INPP5A: variants seen among roughly 807,000 people sequenced by gnomAD.
The protein encoded by INPP5A is 43 kDa inositol polyphosphate 5-phophatase.
A neutral mutation model predicts 65.2 loss-of-function variants in INPP5A; 14 were observed. The observed-to-expected ratio is 0.21, with a 90% confidence interval of 0.14 to 0.34. INPP5A has a LOEUF of 0.34. Among genes scored for constraint, INPP5A ranks in the 10% least tolerant of loss-of-function variants. The pLI is 1.00. For missense variants in INPP5A, 431 were observed against 545.6 expected (o/e 0.79, Z 2.09); for synonymous variants, 207 against 208.3 (o/e 0.99, Z 0.05).
chr10:132,548,365 C>T (rs2071005974), intron 1 of INPP5A, among the ~76,000 whole-genome samples: 1 of 152,142 alleles, frequency 6.6e-6, no homozygotes, highest in Non-Finnish European at 1.5e-5. Context: ...CACCAAAGGC[C>T]AGGCCAGGCC....
chr10:132,755,615 GGT>G (rs55717463), intron 11 of INPP5A, among the ~76,000 whole-genome samples: 4,827 of 143,786 alleles, frequency 0.034, 100 homozygotes, highest in South Asian at 0.11. Context: ...TGAGTGAGTG[GGT>G]GTGTGTGTGT....
intron 1 of INPP5A, among the ~76,000 whole-genome samples, chr10:132,558,773 G>C (rs1346385945): frequency 6.6e-6 from 1 of 152,234 alleles, no homozygotes; most frequent in Non-Finnish European, 1.5e-5. Flanking sequence ...AAACTCCTCA[G>C]GGTCAGCGTG....
intron 9 of INPP5A, among the ~76,000 whole-genome samples, chr10:132,728,506 C>T (rs1846025652): frequency 6.6e-6 from 1 of 152,238 alleles, no homozygotes; most frequent in African/African-American, 2.4e-5. Flanking sequence ...CCACCCCCGC[C>T]AAGCCACAGG....
At chr10:132,776,954 T>G (rs1847075082) in intron 12 of INPP5A, among the ~76,000 whole-genome samples, 1 of 152,120 alleles carries the variant, frequency 6.6e-6, no homozygotes, top group South Asian at 2.1e-4. Context: ...GGAGCCCAGA[T>G]GAGCTGTGCC....
intron 8 of INPP5A, among the ~76,000 whole-genome samples, chr10:132,726,580 T>A (rs1484385485): frequency 6.6e-6 from 1 of 152,180 alleles, no homozygotes; most frequent in Non-Finnish European, 1.5e-5. Flanking sequence ...TCTTCCTCCA[T>A]GTCGCTGGCA....
At position 132,745,651 on chromosome 10, in the gene INPP5A, G is replaced by A. The variant is rs1031189103; in HGVS notation, c.733-3866G>A. ...GGTGGGCCTCGGGCGTGGTGGCCTC[G>A]GGTGTGGTGGCCCTGGGCATGGTGG... On this transcript the variant is annotated intron_variant, in intron 9 of 15. Transcript: ENST00000368594. 5.4e-5 allele frequency among the ~76,000 whole-genome samples: 8 copies of A among 148,458 alleles called. No individual in the cohort carries two copies. The East Asian group carries it at 6.0e-4, about 11-fold the overall frequency.
rs1564925562 is a variant in INPP5A at position 132,587,682 on chromosome 10, C to T, written c.76-20233C>T. Reference sequence around the variant, plus strand: ...GTAGATAATTGCGTTTTGTGTATGCCATGATTTCAAAGTTATACTTGTGTT... The same window carrying T: ...GTAGATAATTGCGTTTTGTGTATGCTATGATTTCAAAGTTATACTTGTGTT... On this transcript the variant is annotated intron_variant, in intron 1 of 15. Transcript: ENST00000368594. This position sits in a 1 kb window ranked among gnomAD's most constrained non-coding sequence, Gnocchi z 4.3. 2.0e-5 allele frequency among the ~76,000 whole-genome samples: 3 copies of T among 152,164 alleles called. No homozygotes were observed. Among genetic ancestry groups the T allele is most frequent in the Admixed American group, 1.3e-4 (2 of 15,276 alleles).
intron 12 of INPP5A, among the ~76,000 whole-genome samples, chr10:132,769,808 C>CA (rs1048854466): frequency 6.6e-6 from 1 of 151,578 alleles, no homozygotes; most frequent in African/African-American, 2.4e-5. Context: ...GCTCCCCCCC[C>CA]CCAAGTTCCT....
At chr10:132,605,475 G>T (rs1446439972) in intron 1 of INPP5A, among the ~76,000 whole-genome samples, 1 of 147,744 alleles carries the variant, frequency 6.8e-6, no homozygotes, top group African/African-American at 2.5e-5. Context: ...TCCCTTGGAG[G>T]GATGGGGAAG....
In INPP5A at chr10:132,555,564, G is replaced by A. The variant is rs1289084928; in HGVS notation, c.75+17393G>A. On this transcript the variant is annotated intron_variant, in intron 1 of 15. Transcript: ENST00000368594. This position sits in a 1 kb window ranked among gnomAD's most constrained non-coding sequence, Gnocchi z 4.4. ...CCAGGAGCCTCTGGACAGTGGGGCC[G>A]TCCTGACTCGCCTCCTGAGAGCCGT... 6.6e-6 allele frequency among the ~76,000 whole-genome samples: 1 copy of A among 152,144 alleles called. No individual in the cohort carries two copies. Among genetic ancestry groups the A allele is most frequent in the Non-Finnish European group, 1.5e-5 (1 of 68,020 alleles).
chr10:132,703,706 A>ACCC (rs200245311), intron 6 of INPP5A, among the ~76,000 whole-genome samples: 19 of 36,098 alleles, frequency 5.3e-4, no homozygotes, highest in South Asian at 1.4e-3. Flanking sequence ...ATGCGGCTTC[A>ACCC]CCCCCCCCAC....
intron 6 of INPP5A, among the ~76,000 whole-genome samples, chr10:132,699,359 G>A (rs1024270375): frequency 1.4e-5 from 2 of 143,642 alleles, no homozygotes; most frequent in African/African-American, 5.0e-5. Context: ...GTGGGTGCTG[G>A]GGTGGGGGGG....
intron 2 of INPP5A, among the ~76,000 whole-genome samples, chr10:132,634,814 C>T (rs531261205): frequency 2.0e-5 from 3 of 152,324 alleles, no homozygotes; most frequent in Admixed American, 6.5e-5. Flanking sequence ...CCCAGGCTCT[C>T]GGCCGGCAGC....
chr10:132,687,400 C>A (rs1004284083), intron 4 of INPP5A, among the ~76,000 whole-genome samples: 14 of 152,256 alleles, frequency 9.2e-5, no homozygotes, highest in African/African-American at 2.4e-4. Context: ...CTGGACCCAG[C>A]AGCAGCTCAC....
In INPP5A at chr10:132,719,920, G is replaced by T. The variant is rs376209448; in HGVS notation, c.648-6901G>T. Among the ~76,000 whole-genome samples the T allele has an allele frequency of 1.4e-4, 21 of 149,512 alleles. 1 individual carries two copies. The East Asian group carries it at 3.8e-3, about 27-fold the overall frequency. On this transcript the variant is annotated intron_variant, in intron 8 of 15. Coordinates refer to ENST00000368594, the MANE Select transcript of INPP5A (RefSeq NM_005539.5). ...TTCTGTGGTACCTGGGTTCTGTCTG[G>T]GCACCTTAGACGGCTGTCTTCAGGG...
In INPP5A at chr10:132,727,106, C is replaced by T. The variant is rs1845999803; in HGVS notation, c.732+201C>T. 2.3e-6 allele frequency: 1 copy of T among 430,946 alleles called. No homozygotes were observed. 26.7% of individuals were successfully genotyped at this position (430,946 alleles called of 1,614,324 possible). ...GTGTTGGAATCCGGGGTGCGCGGGC[C>T]CTCAAGGTTGCCCCGGATGGCGGGT... On this transcript the variant is annotated intron_variant, in intron 9 of 15. Transcript: ENST00000368594. The surrounding 1 kb of genome is among the most constrained non-coding windows in gnomAD (Gnocchi z 6.5).
At chr10:132,754,648 GAC>G (rs1197967205) in intron 11 of INPP5A, among the ~76,000 whole-genome samples, 1 of 152,252 alleles carries the variant, frequency 6.6e-6, no homozygotes, top group Non-Finnish European at 1.5e-5. Context: ...TAACTCAGAA[GAC>G]AGGGTGGGAA....
rs762395932 is a variant in INPP5A, at chr10:132,777,773, G to C, written c.1080G>C (p.Leu360=). ...RILMSPSAKE[L]VLRSESEEKV... ...TCATGTCCCCGTCTGCCAAGGAGCT[G>C]GTGCTGCGGGTGAGTGTGTGCTGCC... The change falls in exon 13 of 16, where the codon CTG becomes CTC. Residue 360 remains leucine, a synonymous_variant. Transcript: ENST00000368594. The C allele has an allele frequency of 5.6e-6, 9 of 1,612,930 alleles. No homozygotes were observed. The highest frequency in any genetic ancestry group is 7.6e-6 in the Non-Finnish European group (9 of 1,179,894).
chr10:132,708,401 G>T, intron 7 of INPP5A, 36 bp downstream of exon 7: 1 of 1,594,488 alleles, frequency 6.3e-7, no homozygotes, highest in Non-Finnish European at 8.6e-7. Flanking sequence ...TTTCCATAAC[G>T]TTTCTTACCC....
Sources: gnomAD v4.1 joint callset for allele counts (sites outside exome capture counted in the v4.1 genomes callset) on GRCh38, gnomAD v4.1.1 for gene constraint, Gnocchi (gnomAD v3.1) non-coding constraint, MANE v1.5 for transcripts, NCBI Gene and HGNC (gene_info 2026-07-23, HGNC 2026-07-21) for gene names.